The following DLC1 variants were observed in gnomAD, a reference collection of about 807,000 sequenced individuals.
DLC1 encodes rho GTPase-activating protein 7.
In DLC1, 54 loss-of-function variants were observed where a neutral mutation model predicts 140.3. That is an observed-to-expected ratio of 0.38 (90% CI 0.31 to 0.48). The LOEUF (loss-of-function observed/expected upper bound fraction) is 0.48, where lower values mean the gene tolerates loss of function less well. Among genes scored for constraint, DLC1 ranks in the 20% least tolerant of loss-of-function variants. DLC1 has a pLI of 0.96. For synonymous variants in DLC1, 986 were observed against 728.1 expected (o/e 1.35, Z -5.70); for missense variants, 2,536 against 1,907.0 (o/e 1.33, Z -6.14).
rs556593347 is a variant in DLC1 at position 13,401,222 on chromosome 8, A to T, written c.1173+248T>A. Among the ~76,000 whole-genome samples, 14 of 152,308 alleles carry T rather than the reference A, an allele frequency of 9.2e-5. No homozygotes were observed. The East Asian group carries it at 2.5e-3, about 27-fold the overall frequency. On this transcript the variant is annotated intron_variant, in intron 3 of 17. Coordinates refer to ENST00000276297, the MANE Select transcript of DLC1 (RefSeq NM_182643.3). ...CTACAAACCATAATTTCCTAAGGTG[A>T]CTTTCCTTCCTGTTTAATGATAAAC...
intron 1 of DLC1, among the ~76,000 whole-genome samples, chr8:13,541,264 C>G (rs1803475392): frequency 6.6e-6 from 1 of 152,120 alleles, no homozygotes; most frequent in East Asian, 1.9e-4. Flanking sequence ...TATGAACATT[C>G]ACATACAAGT....
intron 5 of DLC1, among the ~76,000 whole-genome samples, chr8:13,258,904 G>A (rs1014589849): frequency 6.6e-5 from 10 of 152,030 alleles, no homozygotes; most frequent in Non-Finnish European, 1.3e-4. Context: ...TTGGGAGGCC[G>A]AGGCGGGTGG....
chr8:13,386,668 T>A (rs1836531596), intron 4 of DLC1, among the ~76,000 whole-genome samples: 1 of 152,064 alleles, frequency 6.6e-6, no homozygotes, highest in Non-Finnish European at 1.5e-5. Flanking sequence ...AAGTCCAAAA[T>A]TAATGAATTG....
chr8:13,483,313 C>A (rs367671411), intron 2 of DLC1, among the ~76,000 whole-genome samples: 2 of 152,106 alleles, frequency 1.3e-5, no homozygotes, highest in Non-Finnish European at 2.9e-5. Flanking sequence ...CAAACAAGAT[C>A]ATATTTGCAG....
intron 5 of DLC1, among the ~76,000 whole-genome samples, chr8:13,235,411 C>T (rs1186534219): frequency 6.6e-6 from 1 of 152,020 alleles, no homozygotes; most frequent in Non-Finnish European, 1.5e-5. Flanking sequence ...CTCCTCAAAG[C>T]TTATGGCCAG....
At chr8:13,440,203 C>T (rs909154314) in intron 2 of DLC1, among the ~76,000 whole-genome samples, 2 of 152,142 alleles carry the variant, frequency 1.3e-5, no homozygotes, top group Middle Eastern at 3.4e-3. Flanking sequence ...GTTTTATTTG[C>T]GGTGTATCTT....
intron 5 of DLC1, among the ~76,000 whole-genome samples, chr8:13,177,236 G>T (rs546608493): frequency 6.6e-6 from 1 of 151,774 alleles, no homozygotes; most frequent in East Asian, 1.9e-4. Flanking sequence ...ATTTTTGGGG[G>T]GTTTCTTGGG....
intron 5 of DLC1, among the ~76,000 whole-genome samples, chr8:13,165,016 T>C (rs1000442274): frequency 1.3e-5 from 2 of 152,208 alleles, no homozygotes; most frequent in African/African-American, 4.8e-5. Context: ...ATATGGTAAG[T>C]TGCAGAATGG....
chr8:13,257,563 G>T (rs1261722820), intron 5 of DLC1, among the ~76,000 whole-genome samples: 1 of 151,846 alleles, frequency 6.6e-6, no homozygotes, highest in Non-Finnish European at 1.5e-5. Flanking sequence ...GTCATCATGA[G>T]AATGTATGAG....
At chr8:13,142,983 C>T (rs959314676) in intron 5 of DLC1, among the ~76,000 whole-genome samples, 7 of 148,224 alleles carry the variant, frequency 4.7e-5, no homozygotes, top group East Asian at 2.0e-4. Flanking sequence ...CCAGAGGTTG[C>T]GGTGAGCCAA....
chr8:13,386,151 A>G (rs1006547572), intron 4 of DLC1, among the ~76,000 whole-genome samples: 4 of 152,218 alleles, frequency 2.6e-5, no homozygotes, highest in African/African-American at 9.6e-5. Context: ...TCTCATTGTA[A>G]TGATGATAGC....
intron 1 of DLC1, chr8:13,567,534 G>A (rs1454806526): frequency 5.2e-6 from 8 of 1,551,664 alleles, no homozygotes; most frequent in South Asian, 1.2e-5. Context: ...TTAAAAACAT[G>A]AGGACAACGC....
chr8:13,170,643 T>C (rs1363004266), intron 5 of DLC1, among the ~76,000 whole-genome samples: 1 of 142,818 alleles, frequency 7.0e-6, no homozygotes, highest in African/African-American at 2.6e-5. Context: ...GGCAGGAGAA[T>C]GGCGTGAACC....
intron 5 of DLC1, among the ~76,000 whole-genome samples, chr8:13,304,098 G>A (rs1252142032): frequency 6.6e-6 from 1 of 152,174 alleles, no homozygotes; most frequent in Non-Finnish European, 1.5e-5. Flanking sequence ...TATGGGGACA[G>A]CTATGTAAGA....
chr8:13,270,739 T>C (rs1410862831), intron 5 of DLC1, among the ~76,000 whole-genome samples: 2 of 151,250 alleles, frequency 1.3e-5, no homozygotes, highest in African/African-American at 4.9e-5. Flanking sequence ...TTTTCTTTTC[T>C]TTTTTTTTGG....
At chr8:13,580,534 G>C (rs1246768441) in intron 1 of DLC1, among the ~76,000 whole-genome samples, 3 of 152,108 alleles carry the variant, frequency 2.0e-5, no homozygotes, top group Non-Finnish European at 4.4e-5. Context: ...CAGTGGTGGG[G>C]GTCATTGCCT....
chr8:13,346,662 C>T (rs966257354), intron 4 of DLC1, among the ~76,000 whole-genome samples: 5 of 152,168 alleles, frequency 3.3e-5, no homozygotes, highest in East Asian at 1.9e-4. Flanking sequence ...TTGTCCAGGC[C>T]GGGGATGTGT....
chr8:13,156,858 A>C (rs1307117231), intron 5 of DLC1, among the ~76,000 whole-genome samples: 1 of 152,236 alleles, frequency 6.6e-6, no homozygotes. Context: ...AACCTTGTTA[A>C]AGTCAATGTA....
At chr8:13,254,030 A>T (rs905627813) in intron 5 of DLC1, among the ~76,000 whole-genome samples, 3 of 152,306 alleles carry the variant, frequency 2.0e-5, no homozygotes, top group Admixed American at 1.3e-4. Flanking sequence ...CCTTGAAGAC[A>T]TAACAGCTTA....
Sources: gnomAD v4.1 joint callset for allele counts (sites outside exome capture counted in the v4.1 genomes callset) on GRCh38, gnomAD v4.1.1 for gene constraint, MANE v1.5 for transcripts, NCBI Gene and HGNC (gene_info 2026-07-23, HGNC 2026-07-21) for gene names.